Variants in RHOA observed in about 807,000 individuals in gnomAD.
The protein encoded by RHOA is ras homolog family member A.
In RHOA, 3 loss-of-function variants were observed where a neutral mutation model predicts 17.5. That is an observed-to-expected ratio of 0.17 (90% CI 0.08 to 0.44). The LOEUF (loss-of-function observed/expected upper bound fraction) is 0.44. Ranked by LOEUF, RHOA falls within the 20% of genes least tolerant of loss-of-function variation. The pLI is 0.99. For missense variants in RHOA, 56 were observed against 242.3 expected (o/e 0.23, Z 5.10); for synonymous variants, 98 against 88.4 (o/e 1.11, Z -0.61).
intron 2 of RHOA, among the ~76,000 whole-genome samples, chr3:49,368,820 G>A (rs1422983173): frequency 1.4e-5 from 2 of 145,748 alleles, no homozygotes; most frequent in Admixed American, 7.3e-5. Context: ...CCATTCTCCT[G>A]CCTTGGCCTC....
chr3:49,400,457 G>C (rs2107899111), intron 1 of RHOA, among the ~76,000 whole-genome samples: 1 of 152,126 alleles, frequency 6.6e-6, no homozygotes, highest in African/African-American at 2.4e-5. Flanking sequence ...TGGCTTCCTG[G>C]CTACTCTAAA....
chr3:49,379,759 TCCTG>T (rs1214016833), intron 1 of RHOA, among the ~76,000 whole-genome samples: 3 of 152,172 alleles, frequency 2.0e-5, no homozygotes, highest in Non-Finnish European at 4.4e-5. Context: ...CAAGCGATCC[TCCTG>T]CCTGTCTCTC....
chr3:49,394,947 C>T (rs2048587289), intron 1 of RHOA, among the ~76,000 whole-genome samples: 1 of 152,054 alleles, frequency 6.6e-6, no homozygotes, highest in African/African-American at 2.4e-5. Flanking sequence ...ACCTCAATGA[C>T]CAGTAACACA....
chr3:49,375,269 A>C (rs544947176), intron 2 of RHOA, among the ~76,000 whole-genome samples, 165 bp downstream of exon 2: 4 of 152,260 alleles, frequency 2.6e-5, no homozygotes, highest in Admixed American at 2.0e-4. Context: ...CCAAAAAAAA[A>C]AAAAGAACAA....
At chr3:49,391,588 G>A (rs1437985781) in intron 1 of RHOA, among the ~76,000 whole-genome samples, 1 of 152,010 alleles carries the variant, frequency 6.6e-6, no homozygotes, top group Non-Finnish European at 1.5e-5. Context: ...TTGTTGCCCA[G>A]GCTGGAGTGC....
chr3:49,364,375 C>T (rs899762001), intron 3 of RHOA, among the ~76,000 whole-genome samples: 1 of 152,178 alleles, frequency 6.6e-6, no homozygotes, highest in Non-Finnish European at 1.5e-5. Flanking sequence ...ATCCCAGCTA[C>T]TTGAGAGGCT....
intron 4 of RHOA, 47 bp from the exon 5 acceptor site, chr3:49,360,429 C>CAT: frequency 6.5e-7 from 1 of 1,529,750 alleles, no homozygotes; most frequent in Non-Finnish European, 8.8e-7. Flanking sequence ...GTGTGGCATA[C>CAT]ATATAGTAAG....
intron 3 of RHOA, chr3:49,367,117 C>A (rs534773355): frequency 6.6e-6 from 1 of 151,850 alleles, no homozygotes; most frequent in Non-Finnish European, 1.5e-5. Flanking sequence ...CCGAGGCAGG[C>A]GGATCACGAG....
intron 1 of RHOA, among the ~76,000 whole-genome samples, chr3:49,390,871 T>C (rs1181646375): frequency 6.6e-6 from 1 of 151,686 alleles, no homozygotes; most frequent in African/African-American, 2.4e-5. Context: ...TTACTTGAGG[T>C]CAGGAGTTCG....
chr3:49,363,713 G>A (rs912609338), intron 3 of RHOA, among the ~76,000 whole-genome samples: 1 of 151,960 alleles, frequency 6.6e-6, no homozygotes, highest in African/African-American at 2.4e-5. Context: ...TTAGCCGGGC[G>A]CAGTGGTGTG....
intron 1 of RHOA, among the ~76,000 whole-genome samples, chr3:49,397,707 T>C (rs923632214): frequency 3.9e-5 from 6 of 152,042 alleles, no homozygotes; most frequent in African/African-American, 9.7e-5. Context: ...AGCAGAGAAC[T>C]GCTAGAGCAA....
chr3:49,373,311 T>A (rs2048174872), intron 2 of RHOA: 2 of 220,616 alleles, frequency 9.1e-6, no homozygotes, highest in Admixed American at 9.7e-5. Context: ...GCCATTGCAC[T>A]CCAACCTGGG....
chr3:49,363,376 C>T (rs898767649), intron 3 of RHOA, among the ~76,000 whole-genome samples: 20 of 151,908 alleles, frequency 1.3e-4, no homozygotes, highest in Admixed American at 2.6e-4. Flanking sequence ...GCTGAGATCG[C>T]GCCACTGCAC....
chr3:49,396,793 C>G (rs138778134), intron 1 of RHOA, among the ~76,000 whole-genome samples: 2 of 151,756 alleles, frequency 1.3e-5, no homozygotes, highest in Non-Finnish European at 2.9e-5. Flanking sequence ...AACACCAGCC[C>G]GGGCAACATA....
At chr3:49,390,427 C>G (rs144310262) in intron 1 of RHOA, among the ~76,000 whole-genome samples, 4 of 152,084 alleles carry the variant, frequency 2.6e-5, no homozygotes, top group African/African-American at 9.7e-5. Context: ...CTGCACCCAG[C>G]CTTAATTTTT....
At chr3:49,399,242 C>G (rs1433452896) in intron 1 of RHOA, among the ~76,000 whole-genome samples, 1 of 151,292 alleles carries the variant, frequency 6.6e-6, no homozygotes, top group Admixed American at 6.6e-5. Flanking sequence ...TGGCGGCGGG[C>G]ACCTGTAGTC....
At chr3:49,405,852 T>A (rs752819661) in intron 1 of RHOA, among the ~76,000 whole-genome samples, 3 of 152,108 alleles carry the variant, frequency 2.0e-5, no homozygotes, top group Non-Finnish European at 4.4e-5. Context: ...ACTCGGCTGA[T>A]TTTTGTATTT....
chr3:49,383,920 C>T (rs994434747), intron 1 of RHOA, among the ~76,000 whole-genome samples: 1 of 152,088 alleles, frequency 6.6e-6, no homozygotes, highest in African/African-American at 2.4e-5. Context: ...ATCCCAGCTA[C>T]TTGGAAGGCT....
intron 1 of RHOA, among the ~76,000 whole-genome samples, chr3:49,398,047 A>T (rs2048647634): frequency 6.6e-6 from 1 of 152,176 alleles, no homozygotes; most frequent in Admixed American, 6.5e-5. Flanking sequence ...ACATTCAGTC[A>T]AAAGCACAGA....
Sources: allele counts gnomAD v4.1 joint callset (sites outside exome capture counted in the v4.1 genomes callset), GRCh38; gene constraint gnomAD v4.1.1; transcripts MANE v1.5; gene names NCBI Gene and HGNC (gene_info 2026-07-23, HGNC 2026-07-21).